ATP8B4: variants seen among roughly 807,000 people sequenced by gnomAD.
The protein encoded by ATP8B4 is ATPase phospholipid transporting 8B4 (putative).
Under a neutral mutation model 145.6 loss-of-function variants are expected in ATP8B4, and 133 were observed. The ratio of observed to expected loss-of-function variants is 0.91; its 90% CI spans 0.79 to 1.05. The LOEUF (loss-of-function observed/expected upper bound fraction) is 1.05. Ranked by LOEUF, ATP8B4 falls within the 50% of genes least tolerant of loss-of-function variation. The pLI is 0.00. For synonymous variants in ATP8B4, 507 were observed against 492.9 expected (o/e 1.03, Z -0.38); for missense variants, 1,458 against 1,425.2 (o/e 1.02, Z -0.37).
chr15:50,123,993 C>T (rs940381028), upstream of ATP8B4, among the ~76,000 whole-genome samples: 2 of 152,114 alleles, frequency 1.3e-5, no homozygotes, highest in Non-Finnish European at 2.9e-5. Context: ...TCAGAACCTC[C>T]TTACCTCAGC....
At chr15:50,164,385 A>G (rs1440683205) in intron 1 of ATP8B4, among the ~76,000 whole-genome samples, 2 of 152,144 alleles carry the variant, frequency 1.3e-5, no homozygotes, top group Non-Finnish European at 2.9e-5. Context: ...CCTTCAAGGT[A>G]TCAATTCTCT....
At chr15:49,901,905 C>G in intron 20 of ATP8B4, 1 of 368,372 alleles carries the variant, frequency 2.7e-6, no homozygotes, top group Non-Finnish European at 5.2e-6. Context: ...GAGGGTTGTT[C>G]CAAATGGAAA....
intron 6 of ATP8B4, among the ~76,000 whole-genome samples, chr15:50,024,507 G>C (rs944725429): frequency 6.6e-6 from 1 of 152,196 alleles, no homozygotes; most frequent in Non-Finnish European, 1.5e-5. Context: ...TGTGAAAGGG[G>C]AAAGCATGTA....
chr15:50,136,925 G>T (rs756704495), intron 1 of ATP8B4, among the ~76,000 whole-genome samples: 2 of 152,128 alleles, frequency 1.3e-5, no homozygotes, highest in Non-Finnish European at 2.9e-5. Flanking sequence ...CCATACATAT[G>T]ATTTTATTAT....
intron 9 of ATP8B4, among the ~76,000 whole-genome samples, 184 bp from the exon 10 acceptor site, chr15:49,987,733 A>T (rs1218818256): frequency 6.6e-6 from 1 of 152,188 alleles, no homozygotes; most frequent in Non-Finnish European, 1.5e-5. Flanking sequence ...ACTATTTTGA[A>T]ACACAGTTTT....
intron 25 of ATP8B4, 131 bp from the exon 26 acceptor site, chr15:49,866,615 G>C: frequency 1.9e-6 from 2 of 1,029,742 alleles, no homozygotes; most frequent in Non-Finnish European, 2.8e-6. Flanking sequence ...GCCAACCGCG[G>C]GCATCCCCAC....
intron 2 of ATP8B4, among the ~76,000 whole-genome samples, chr15:50,090,486 G>C (rs1440698378): frequency 1.3e-5 from 2 of 152,104 alleles, no homozygotes; most frequent in East Asian, 1.9e-4. Flanking sequence ...CCTGTCAAAG[G>C]GACCACAGAA....
At chr15:50,094,593 A>AATATACACATATATACGT (rs1303068455) in intron 2 of ATP8B4, among the ~76,000 whole-genome samples, 1 of 148,024 alleles carries the variant, frequency 6.8e-6, no homozygotes, top group South Asian at 2.1e-4. Context: ...CATATATACA[A>AATATACACATATATACGT]ATATACACAT....
At chr15:50,069,694 T>C (rs2053603758) in intron 3 of ATP8B4, among the ~76,000 whole-genome samples, 4 of 152,222 alleles carry the variant, frequency 2.6e-5, no homozygotes, top group African/African-American at 9.6e-5. Flanking sequence ...GGTTGATTGT[T>C]TTTTTGTTTT....
intron 23 of ATP8B4, chr15:49,894,866 T>A (rs866879630): frequency 6.6e-6 from 1 of 152,162 alleles, no homozygotes; most frequent in Non-Finnish European, 1.5e-5. Context: ...CCCACCAACA[T>A]GAAATGACTA....
In ATP8B4 at chr15:50,177,999, T is replaced by C. The variant is rs531781436; in HGVS notation, c.-43+4262A>G. Among the ~76,000 whole-genome samples the C allele has an allele frequency of 8.5e-5, 13 of 152,256 alleles. No homozygotes were observed. The South Asian group carries it at 2.5e-3, about 29-fold the overall frequency. Reference sequence around the variant, plus strand: ...GAAGCCTTCTCTCAAATAGCAGAGATAGATGATAGGGATGAACGTCCTGAC... The same window carrying C: ...GAAGCCTTCTCTCAAATAGCAGAGACAGATGATAGGGATGAACGTCCTGAC... On this transcript the variant is annotated intron_variant, in intron 1 of 3. Coordinates refer to the ATP8B4 transcript ENST00000558829.
At chr15:49,871,831 G>A (rs369195189) in intron 25 of ATP8B4, among the ~76,000 whole-genome samples, 1 of 152,132 alleles carries the variant, frequency 6.6e-6, no homozygotes, top group South Asian at 2.1e-4. Flanking sequence ...TCTCCAGAAA[G>A]TTATCCTCAA....
intron 20 of ATP8B4, among the ~76,000 whole-genome samples, chr15:49,916,192 C>T (rs992311443): frequency 1.3e-5 from 2 of 151,974 alleles, no homozygotes; most frequent in African/African-American, 2.4e-5. Context: ...GATTTTTAAA[C>T]GTTCTTCTCC....
intron 1 of ATP8B4, among the ~76,000 whole-genome samples, chr15:50,167,359 A>AG (rs529441552): frequency 4.9e-4 from 75 of 152,298 alleles, no homozygotes; most frequent in African/African-American, 1.7e-3. Context: ...AATCCATTCC[A>AG]GGCCTCTCTC....
intron 7 of ATP8B4, among the ~76,000 whole-genome samples, chr15:50,002,453 G>A (rs749874504): frequency 6.6e-6 from 1 of 151,950 alleles, no homozygotes; most frequent in Non-Finnish European, 1.5e-5. Flanking sequence ...AAGGAAAGGA[G>A]CTATCATATG....
intron 2 of ATP8B4, among the ~76,000 whole-genome samples, chr15:50,099,665 T>C (rs1457200179): frequency 6.6e-6 from 1 of 152,026 alleles, no homozygotes; most frequent in Non-Finnish European, 1.5e-5. Flanking sequence ...AAACAGAAAA[T>C]AGACTGTAAT....
At chr15:50,152,588 T>C (rs1164765789) in intron 1 of ATP8B4, among the ~76,000 whole-genome samples, 2 of 152,188 alleles carry the variant, frequency 1.3e-5, no homozygotes, top group Non-Finnish European at 2.9e-5. Context: ...CTCAAATTAA[T>C]TCTAAATCAA....
At chr15:50,130,035 T>C (rs1480574995) in intron 1 of ATP8B4, among the ~76,000 whole-genome samples, 1 of 152,008 alleles carries the variant, frequency 6.6e-6, no homozygotes, top group African/African-American at 2.4e-5. Context: ...TAAAGAGATC[T>C]AGAGGTCTCC....
intron 2 of ATP8B4, among the ~76,000 whole-genome samples, chr15:50,086,717 A>G: frequency 1.2e-5 from 1 of 81,898 alleles, no homozygotes; most frequent in Non-Finnish European, 2.0e-5. Context: ...ATTATATATA[A>G]TAAAATAATA....
Sources: allele counts gnomAD v4.1 joint callset (sites outside exome capture counted in the v4.1 genomes callset), GRCh38; gene constraint gnomAD v4.1.1; transcripts MANE v1.5; gene names NCBI Gene and HGNC (gene_info 2026-07-23, HGNC 2026-07-21).